GPHN: variants seen among roughly 807,000 people sequenced by gnomAD.
GPHN encodes gephyrin.
In GPHN, 17 loss-of-function variants were observed where a neutral mutation model predicts 95.5. That is an observed-to-expected ratio of 0.18 (90% CI 0.12 to 0.27). GPHN has a LOEUF of 0.27. GPHN is among the 10% of genes least tolerant of loss of function. The pLI is 1.00. For synonymous variants in GPHN, 320 were observed against 322.5 expected, an observed-to-expected ratio of 0.99 and a Z score of 0.08; for missense variants, 660 against 978.1, an observed-to-expected ratio of 0.67 and a Z score of 4.34.
At chr14:66,565,590 G>A (rs926891539) in intron 1 of GPHN, among the ~76,000 whole-genome samples, 13 of 152,068 alleles carry the variant, frequency 8.5e-5, no homozygotes, top group South Asian at 2.1e-4. Flanking sequence ...GTGAGCCACC[G>A]TGCCTGGCCT....
chr14:67,319,050 T>TC, the GPHN span, among the ~76,000 whole-genome samples: 1 of 145,718 alleles, frequency 6.9e-6, no homozygotes, highest in African/African-American at 2.7e-5. Context: ...AGAGCGAGAC[T>TC]CCGTCTCAAA....
intron 2 of GPHN, among the ~76,000 whole-genome samples, chr14:66,693,860 G>A (rs2067946920): frequency 6.6e-6 from 1 of 152,140 alleles, no homozygotes; most frequent in African/African-American, 2.4e-5. Context: ...ACTCTGTTAA[G>A]TTAAAATCTA....
chr14:66,591,880 G>T (rs1020701704), intron 1 of GPHN, among the ~76,000 whole-genome samples: 10 of 152,144 alleles, frequency 6.6e-5, no homozygotes, highest in Non-Finnish European at 1.3e-4. Flanking sequence ...AAAGCTGGAG[G>T]CATCATGCTA....
intron 21 of GPHN, among the ~76,000 whole-genome samples, chr14:67,177,504 G>A (rs2083061568): frequency 6.6e-6 from 1 of 152,098 alleles, no homozygotes; most frequent in Admixed American, 6.6e-5. Flanking sequence ...CCAATTATGT[G>A]GTCAATTTTA....
chr14:67,594,980 A>G, the GPHN span, among the ~76,000 whole-genome samples: 1 of 151,832 alleles, frequency 6.6e-6, no homozygotes, highest in African/African-American at 2.4e-5. Flanking sequence ...TACTAAAAAT[A>G]CTAAAAGTTA....
At chr14:67,366,976 A>G in the GPHN span, among the ~76,000 whole-genome samples, 1 of 152,142 alleles carries the variant, frequency 6.6e-6, no homozygotes. Context: ...GTTGTAGACA[A>G]CCATAGTAGA....
At chr14:67,310,212 T>C in the GPHN span, among the ~76,000 whole-genome samples, 3 of 152,174 alleles carry the variant, frequency 2.0e-5, no homozygotes, top group Non-Finnish European at 4.4e-5. Context: ...CTAAAATTCA[T>C]TTTTAGTGCT....
At chr14:67,454,869 TCC>T in the GPHN span, among the ~76,000 whole-genome samples, 11 of 142,760 alleles carry the variant, frequency 7.7e-5, no homozygotes, top group Non-Finnish European at 1.3e-4. Flanking sequence ...GCATTCTTTC[TCC>T]TTTTTTTTTT....
chr14:67,298,160 CAGAG>C, the GPHN span, among the ~76,000 whole-genome samples: 3 of 152,074 alleles, frequency 2.0e-5, no homozygotes, highest in Non-Finnish European at 4.4e-5. Flanking sequence ...AATCTTGTGA[CAGAG>C]AGCCACTCAG....
the GPHN span, among the ~76,000 whole-genome samples, chr14:67,282,467 C>A: frequency 2.0e-5 from 3 of 151,938 alleles, no homozygotes; most frequent in Non-Finnish European, 4.4e-5. Flanking sequence ...TTTTAAGAAT[C>A]AAAAATATGA....
the GPHN span, among the ~76,000 whole-genome samples, chr14:67,247,736 C>G: frequency 6.6e-6 from 1 of 152,046 alleles, no homozygotes; most frequent in African/African-American, 2.4e-5. Flanking sequence ...TGCCACTATG[C>G]CCAGCTAATT....
chr14:67,629,495 C>T, the GPHN span, among the ~76,000 whole-genome samples: 1 of 152,054 alleles, frequency 6.6e-6, no homozygotes, highest in Admixed American at 6.6e-5. Flanking sequence ...TTTATAAAAA[C>T]AAAGTGGAAT....
chr14:67,044,766 CCT>C, intron 10 of GPHN, among the ~76,000 whole-genome samples: 1 of 151,684 alleles, frequency 6.6e-6, no homozygotes, highest in Middle Eastern at 3.4e-3. Context: ...CTCCTGTCTC[CCT>C]CTCTCTGTCT....
the GPHN span, chr14:67,600,205 ACGCCCCCACT>A: frequency 4.5e-6 from 7 of 1,570,374 alleles, no homozygotes; most frequent in African/African-American, 9.5e-5. Flanking sequence ...ATCCTCCATG[ACGCCCCCACT>A]CGGCCGCCCG....
intron 6 of GPHN, among the ~76,000 whole-genome samples, chr14:66,919,894 A>G: frequency 6.6e-6 from 1 of 151,870 alleles, no homozygotes; most frequent in East Asian, 1.9e-4. Flanking sequence ...GTGAAACCCC[A>G]TCTCTACTAA....
chr14:67,302,225 A>G, the GPHN span: 5 of 1,287,064 alleles, frequency 3.9e-6, no homozygotes, highest in Admixed American at 2.7e-5. Context: ...TTTCTGAAGC[A>G]GAAAGTGTGG....
chr14:67,368,888 T>C, the GPHN span, among the ~76,000 whole-genome samples: 1 of 151,966 alleles, frequency 6.6e-6, no homozygotes, highest in Non-Finnish European at 1.5e-5. Context: ...AAATACACTA[T>C]TGTAAAAGCC....
At position 67,105,385 on chromosome 14, in the gene GPHN, A is replaced by G. The variant is rs117802333; in HGVS notation, c.1293+4474A>G. Among the ~76,000 whole-genome samples, 333 of 152,152 alleles carry G rather than the reference A, an allele frequency of 2.2e-3. 6 individuals carry two copies. Among genetic ancestry groups the G allele is most frequent in the Non-Finnish European group, 2.9e-3 (195 of 67,914 alleles). ...AATGCAGTTTAAATCCAGCGTTCCTATGTTGATTTTCTATCTATATGACTT... is the reference window on the plus strand; with the variant it reads ...AATGCAGTTTAAATCCAGCGTTCCTGTGTTGATTTTCTATCTATATGACTT... On this transcript the variant is annotated intron_variant, in intron 13 of 22. Transcript: ENST00000478722.
At chr14:66,572,838 T>A (rs2060751112) in intron 1 of GPHN, among the ~76,000 whole-genome samples, 2 of 152,212 alleles carry the variant, frequency 1.3e-5, no homozygotes, top group Non-Finnish European at 2.9e-5. Context: ...TAGTTCCTGA[T>A]CAGAGAAGAA....
Sources: allele counts gnomAD v4.1 joint callset (sites outside exome capture counted in the v4.1 genomes callset), GRCh38; gene constraint gnomAD v4.1.1; transcripts MANE v1.5; gene names NCBI Gene and HGNC (gene_info 2026-07-23, HGNC 2026-07-21).